Variants in RBFOX1 observed in about 807,000 individuals in gnomAD.
RBFOX1 encodes RNA binding fox-1 homolog 1, also known as RNA binding protein fox-1 homolog 1.
RBFOX1 carries 8 observed loss-of-function variants against 57.7 expected under a neutral mutation model. That is an observed-to-expected ratio of 0.14 (90% CI 0.08 to 0.25). RBFOX1 has a LOEUF of 0.25. Ranked by LOEUF, RBFOX1 falls within the 10% of genes least tolerant of loss-of-function variation. The pLI is 1.00. For missense variants in RBFOX1, 611 were observed against 548.5 expected (o/e 1.11, Z -1.14); for synonymous variants, 326 against 222.4 (o/e 1.47, Z -4.15).
chr16:7,288,912 C>G (rs1048179137), intron 4 of RBFOX1, among the ~76,000 whole-genome samples: 1 of 152,142 alleles, frequency 6.6e-6, no homozygotes, highest in African/African-American at 2.4e-5. Context: ...ATTGGCTATG[C>G]AGGGGAACAA....
intron 3 of RBFOX1, among the ~76,000 whole-genome samples, chr16:5,735,379 C>T (rs1029467947): frequency 6.6e-5 from 10 of 152,162 alleles, no homozygotes; most frequent in Non-Finnish European, 1.5e-4. Flanking sequence ...ATCTGAATTC[C>T]GTCCTCACAG....
chr16:7,289,280 C>A (rs1003213681), intron 4 of RBFOX1, among the ~76,000 whole-genome samples: 3 of 152,170 alleles, frequency 2.0e-5, no homozygotes, highest in Non-Finnish European at 4.4e-5. Context: ...AGAGATGGCT[C>A]CCTTTGTTTC....
chr16:6,674,743 G>C (rs1389272883), intron 3 of RBFOX1, among the ~76,000 whole-genome samples: 1 of 152,124 alleles, frequency 6.6e-6, no homozygotes, highest in South Asian at 2.1e-4. Flanking sequence ...GAGCACGAGG[G>C]GTGCTGGCCA....
chr16:6,077,619 G>T (rs202169449), intron 1 of RBFOX1, among the ~76,000 whole-genome samples: 1 of 152,010 alleles, frequency 6.6e-6, no homozygotes, highest in Non-Finnish European at 1.5e-5. Context: ...CATGGTCTTC[G>T]GTAGGTCAAA....
chr16:6,418,841 T>A (rs923677582), intron 2 of RBFOX1, among the ~76,000 whole-genome samples: 1 of 152,162 alleles, frequency 6.6e-6, no homozygotes, highest in Admixed American at 6.5e-5. Flanking sequence ...TCATGCAAGT[T>A]TGATATGCTT....
chr16:6,423,283 C>G (rs374464719), intron 2 of RBFOX1, among the ~76,000 whole-genome samples: 2 of 152,192 alleles, frequency 1.3e-5, no homozygotes, highest in South Asian at 2.1e-4. Context: ...GATAATAAAT[C>G]TTGCCATGAT....
rs193174462 is a variant in RBFOX1, at chr16:5,398,970, G to T, written c.220-68246G>T. Among the ~76,000 whole-genome samples the T allele has an allele frequency of 2.0e-4, 31 of 152,326 alleles. 1 individual carries two copies. Among genetic ancestry groups the T allele is most frequent in the Admixed American group, 1.4e-3 (22 of 15,306 alleles). ...GTCTGACTTTGCACTCTGCTCTCCA[G>T]TCCCAGCTTTTCTCCTTCTCTTCCC... On this transcript the variant is annotated intron_variant, in intron 1 of 2. Coordinates refer to the RBFOX1 transcript ENST00000585867.
At chr16:7,637,688 G>C (rs763164511) in intron 11 of RBFOX1, among the ~76,000 whole-genome samples, 1 of 152,106 alleles carries the variant, frequency 6.6e-6, no homozygotes, top group African/African-American at 2.4e-5. Context: ...AAAGAATTGT[G>C]TCTTCTTTTT....
At chr16:6,525,431 T>C (rs80336279) in intron 2 of RBFOX1, among the ~76,000 whole-genome samples, 2,280 of 152,326 alleles carry the variant, frequency 0.015, 65 homozygotes, top group African/African-American at 0.052. Flanking sequence ...TGAGAAGTGA[T>C]GCTATAAGGT....
chr16:6,258,670 C>G (rs901605698), intron 1 of RBFOX1, among the ~76,000 whole-genome samples: 3 of 152,124 alleles, frequency 2.0e-5, no homozygotes, highest in African/African-American at 7.2e-5. Context: ...TTTAACTAAG[C>G]AGGATAATTG....
At chr16:7,472,014 A>G (rs533451368) in intron 4 of RBFOX1, among the ~76,000 whole-genome samples, 2 of 152,224 alleles carry the variant, frequency 1.3e-5, no homozygotes, top group African/African-American at 2.4e-5. Flanking sequence ...TAGTGGAACA[A>G]TTGGTGAACA....
intron 2 of RBFOX1, among the ~76,000 whole-genome samples, chr16:5,581,276 A>G (rs1474390104): frequency 6.6e-5 from 10 of 152,192 alleles, no homozygotes; most frequent in Non-Finnish European, 4.4e-5. Flanking sequence ...GCTAAGTTCT[A>G]CAAGGAATAG....
intron 3 of RBFOX1, among the ~76,000 whole-genome samples, chr16:6,953,600 T>G (rs534888920): frequency 5.9e-5 from 9 of 152,288 alleles, no homozygotes; most frequent in Admixed American, 5.2e-4. Context: ...TTGGCCAGCG[T>G]GGTCTGAAAC....
intron 4 of RBFOX1, among the ~76,000 whole-genome samples, chr16:7,421,357 G>A (rs1484878816): frequency 6.6e-6 from 1 of 152,064 alleles, no homozygotes; most frequent in African/African-American, 2.4e-5. Flanking sequence ...TGTATTTATG[G>A]CACATGTATT....
At chr16:5,591,327 C>G (rs1212982015) in intron 2 of RBFOX1, among the ~76,000 whole-genome samples, 1 of 151,476 alleles carries the variant, frequency 6.6e-6, no homozygotes, top group East Asian at 1.9e-4. Context: ...TTTCAGCTCA[C>G]TGCAACATCT....
chr16:6,905,653 G>T lies in RBFOX1; in HGVS notation c.-15-146404G>T, dbSNP rs1158431092. 2.0e-5 allele frequency among the ~76,000 whole-genome samples: 3 copies of T among 151,890 alleles called. No homozygotes were observed. In the East Asian group the frequency reaches 5.8e-4, roughly 29 times the overall value. On this transcript the variant is annotated intron_variant, in intron 3 of 15. Transcript: ENST00000550418. ...CCAATTTTCCCCGTTTAGCAACATT[G>T]CCCCCACCATCACCACCAAAAGGGG...
intron 1 of RBFOX1, among the ~76,000 whole-genome samples, chr16:6,291,227 G>T (rs2077437175): frequency 6.6e-6 from 1 of 152,064 alleles, no homozygotes; most frequent in Non-Finnish European, 1.5e-5. Context: ...ATCTCAGCCT[G>T]TGAATTAGAA....
intron 3 of RBFOX1, among the ~76,000 whole-genome samples, chr16:5,692,211 G>GTT (rs1341479575): frequency 7.5e-6 from 1 of 132,622 alleles, no homozygotes; most frequent in Non-Finnish European, 1.6e-5. Context: ...GTGTGTGTGT[G>GTT]TGTTTGTGTT....
intron 4 of RBFOX1, among the ~76,000 whole-genome samples, chr16:7,055,406 A>C (rs2051809709): frequency 6.6e-6 from 1 of 152,112 alleles, no homozygotes. Context: ...GGGTTGATTC[A>C]GAGGCTTTTT....
Sources: gnomAD v4.1 joint callset for allele counts (sites outside exome capture counted in the v4.1 genomes callset) on GRCh38, gnomAD v4.1.1 for gene constraint, MANE v1.5 for transcripts, NCBI Gene and HGNC (gene_info 2026-07-23, HGNC 2026-07-21) for gene names.